CCSER1: variants seen among roughly 807,000 people sequenced by gnomAD.
CCSER1 encodes the protein coiled-coil serine rich protein 1, also known as serine-rich coiled-coil domain-containing protein 1.
Under a neutral mutation model 82.0 loss-of-function variants are expected in CCSER1, and 41 were observed. That is an observed-to-expected ratio of 0.50 (90% confidence interval 0.39 to 0.65). The LOEUF is 0.65. Among genes scored for constraint, CCSER1 ranks in the 30% least tolerant of loss-of-function variants. The pLI, the probability that CCSER1 is intolerant of heterozygous loss-of-function variation, is 0.00. For missense variants in CCSER1, 1,119 were observed against 1,064.2 expected (o/e 1.05, Z -0.72); for synonymous variants, 414 against 383.9 (o/e 1.08, Z -0.92).
At chr4:90,483,959 G>A (rs1766536473) in intron 5 of CCSER1, among the ~76,000 whole-genome samples, 1 of 152,198 alleles carries the variant, frequency 6.6e-6, no homozygotes. Context: ...ATAATATCCT[G>A]CAGAGTGTTT....
chr4:91,547,444 A>G (rs1312028916), intron 10 of CCSER1, among the ~76,000 whole-genome samples: 3 of 152,132 alleles, frequency 2.0e-5, no homozygotes, highest in Non-Finnish European at 2.9e-5. Flanking sequence ...CTTTATCTTT[A>G]TGTAGTGCTC....
At chr4:90,551,678 T>TTCTCTCTC (rs71596530) in intron 5 of CCSER1, among the ~76,000 whole-genome samples, 19,432 of 87,768 alleles carry the variant, frequency 0.22, 2,839 homozygotes, top group Non-Finnish European at 0.29. Context: ...AAAAATATAA[T>TTCTCTCTC]TCTCTCTCTC....
At chr4:90,803,862 C>T (rs1757151232) in intron 7 of CCSER1, among the ~76,000 whole-genome samples, 1 of 152,142 alleles carries the variant, frequency 6.6e-6, no homozygotes, top group African/African-American at 2.4e-5. Context: ...TCCACATCTT[C>T]TCCAGCATCT....
At chr4:90,433,632 G>A (rs1418792434) in intron 4 of CCSER1, among the ~76,000 whole-genome samples, 3 of 151,934 alleles carry the variant, frequency 2.0e-5, no homozygotes, top group Non-Finnish European at 4.4e-5. Context: ...CAGCAAGTTA[G>A]GTAGCCTGAT....
intron 10 of CCSER1, among the ~76,000 whole-genome samples, chr4:91,213,712 C>T (rs1369075985): frequency 6.6e-6 from 1 of 152,066 alleles, no homozygotes. Flanking sequence ...ATTAATTTGA[C>T]AATAAAGTCA....
chr4:91,253,472 A>C (rs953665829), intron 10 of CCSER1, among the ~76,000 whole-genome samples: 2 of 152,110 alleles, frequency 1.3e-5, no homozygotes, highest in Non-Finnish European at 2.9e-5. Flanking sequence ...CGTGGGTAAA[A>C]TGTATATGCT....
intron 10 of CCSER1, among the ~76,000 whole-genome samples, chr4:91,238,729 A>G (rs1245548779): frequency 2.0e-5 from 3 of 152,128 alleles, no homozygotes; most frequent in African/African-American, 7.2e-5. Context: ...CAGCCATGCC[A>G]TTTCAAAAGC....
intron 10 of CCSER1, among the ~76,000 whole-genome samples, chr4:91,517,344 C>T (rs932655014): frequency 6.6e-6 from 1 of 152,102 alleles, no homozygotes; most frequent in African/African-American, 2.4e-5. Context: ...TAAAAGATAA[C>T]TCTTTATTTT....
intron 10 of CCSER1, among the ~76,000 whole-genome samples, chr4:91,535,281 G>A (rs1252464952): frequency 6.6e-6 from 1 of 151,878 alleles, no homozygotes; most frequent in Non-Finnish European, 1.5e-5. Context: ...AATAAAGTAT[G>A]ATATTTGGTG....
intron 10 of CCSER1, among the ~76,000 whole-genome samples, chr4:91,225,402 A>G (rs1738119648): frequency 7.0e-6 from 1 of 142,984 alleles, no homozygotes; most frequent in African/African-American, 2.6e-5. Flanking sequence ...ATATTCATAT[A>G]TATTATATAT....
rs139446499 is a variant in CCSER1 at position 91,151,158 on chromosome 4, A to G, written c.2217+65164A>G. On this transcript the variant is annotated intron_variant, in intron 10 of 10. Coordinates refer to ENST00000509176, the MANE Select transcript of CCSER1 (RefSeq NM_001145065.2). ...GCCTCAATTTCAGAGTCTGTTAGTGATCTACTCAGGGATTCAACTTCTTCC... is the reference window on the plus strand; with the variant it reads ...GCCTCAATTTCAGAGTCTGTTAGTGGTCTACTCAGGGATTCAACTTCTTCC... Among the ~76,000 whole-genome samples, 794 of 151,990 alleles carry G rather than the reference A, an allele frequency of 5.2e-3. 5 individuals carry two copies. Among genetic ancestry groups the G allele is most frequent in the African/African-American group, 0.018 (753 of 41,482 alleles).
At chr4:91,247,846 C>T (rs941314323) in intron 10 of CCSER1, among the ~76,000 whole-genome samples, 45 of 151,998 alleles carry the variant, frequency 3.0e-4, no homozygotes, top group African/African-American at 8.7e-4. Flanking sequence ...CCAGCCTAGG[C>T]GACAGAGTGA....
intron 8 of CCSER1, among the ~76,000 whole-genome samples, chr4:90,871,817 T>A (rs2150033689): frequency 6.6e-6 from 1 of 151,920 alleles, no homozygotes; most frequent in South Asian, 2.1e-4. Context: ...ATTCAAATAA[T>A]ATTTGCTTGT....
chr4:91,475,737 C>T (rs1757555763), intron 10 of CCSER1, among the ~76,000 whole-genome samples: 1 of 151,786 alleles, frequency 6.6e-6, no homozygotes, highest in South Asian at 2.1e-4. Context: ...TGCTACCAGA[C>T]ACTATAACTT....
chr4:90,876,166 TAGA>T (rs891621346), intron 8 of CCSER1, among the ~76,000 whole-genome samples: 4 of 152,054 alleles, frequency 2.6e-5, no homozygotes, highest in African/African-American at 9.7e-5. Flanking sequence ...CCCCCTCAAT[TAGA>T]AGACCAGAAA....
At chr4:90,709,699 G>T (rs147553165) in intron 6 of CCSER1, among the ~76,000 whole-genome samples, 1,697 of 152,192 alleles carry the variant, frequency 0.011, 23 homozygotes, top group African/African-American at 0.037. Context: ...GGGCATTTAG[G>T]TTGATTCCAT....
intron 9 of CCSER1, among the ~76,000 whole-genome samples, chr4:90,961,982 A>G (rs1209018422): frequency 6.6e-6 from 1 of 152,136 alleles, no homozygotes; most frequent in Non-Finnish European, 1.5e-5. Flanking sequence ...AAACAAAAAC[A>G]AAAACAAAAA....
chr4:90,805,051 A>G (rs900308927), intron 7 of CCSER1, among the ~76,000 whole-genome samples: 2 of 149,476 alleles, frequency 1.3e-5, no homozygotes, highest in Non-Finnish European at 3.0e-5. Flanking sequence ...TTACACAACT[A>G]TAATGACATA....
intron 10 of CCSER1, among the ~76,000 whole-genome samples, chr4:91,594,370 C>T (rs544109797): frequency 4.2e-4 from 57 of 136,058 alleles, no homozygotes; most frequent in South Asian, 1.3e-3. Context: ...TATATATACA[C>T]ATATATATAC....
Sources: allele counts gnomAD v4.1 joint callset (sites outside exome capture counted in the v4.1 genomes callset), GRCh38; gene constraint gnomAD v4.1.1; transcripts MANE v1.5; gene names NCBI Gene and HGNC (gene_info 2026-07-23, HGNC 2026-07-21).